EFCAB11: variants seen among roughly 807,000 people sequenced by gnomAD.
EFCAB11 encodes EF-hand calcium binding domain 11.
Under a neutral mutation model 23.0 loss-of-function variants are expected in EFCAB11, and 14 were observed. That is an observed-to-expected ratio of 0.61 (90% confidence interval 0.40 to 0.95). The LOEUF (loss-of-function observed/expected upper bound fraction) is 0.95. Among genes scored for constraint, EFCAB11 ranks in the 40% least tolerant of loss-of-function variants. The pLI is 0.00. For synonymous variants in EFCAB11, 65 were observed against 66.6 expected, an observed-to-expected ratio of 0.98 and a Z score of 0.11; for missense variants, 198 against 195.8, an observed-to-expected ratio of 1.01 and a Z score of -0.07.
At chr14:89,804,113 C>T (rs1885882475) in intron 5 of EFCAB11, among the ~76,000 whole-genome samples, 1 of 152,240 alleles carries the variant, frequency 6.6e-6, no homozygotes, top group Non-Finnish European at 1.5e-5. Flanking sequence ...CTCACCCGAG[C>T]CAGTAGCAGT....
chr14:89,877,994 G>A (rs546597110), intron 5 of EFCAB11, among the ~76,000 whole-genome samples: 1 of 152,128 alleles, frequency 6.6e-6, no homozygotes, highest in Non-Finnish European at 1.5e-5. Flanking sequence ...TACCACTTTT[G>A]TTCAATTGCT....
intron 3 of EFCAB11, among the ~76,000 whole-genome samples, chr14:89,948,882 A>C (rs79745881): frequency 8.6e-6 from 1 of 116,102 alleles, no homozygotes; most frequent in African/African-American, 4.3e-5. Flanking sequence ...TAATGGATAC[A>C]AAAAAAAAAA....
intron 5 of EFCAB11, among the ~76,000 whole-genome samples, chr14:89,918,449 G>A (rs1889919782): frequency 6.6e-6 from 1 of 151,400 alleles, no homozygotes; most frequent in Non-Finnish European, 1.5e-5. Context: ...TGAGGCAGGA[G>A]AATCGCTTGA....
Position 89,930,060 on chromosome 14 carries a change from C to T in EFCAB11, c.410+1481G>A, listed in dbSNP as rs183643216. Among the ~76,000 whole-genome samples the T allele has an allele frequency of 4.5e-4, 68 of 152,284 alleles. No homozygotes were observed. In the East Asian group the frequency reaches 0.013, roughly 29 times the overall value. On this transcript the variant is annotated intron_variant, in intron 5 of 5. Coordinates refer to ENST00000316738, the MANE Select transcript of EFCAB11 (RefSeq NM_145231.4). ...TATTGATATTCACTACCTATCTCAT[C>T]ACAAAATACAAAGATGCTACATTTT...
chr14:89,854,592 G>A (rs1402729341), intron 5 of EFCAB11, among the ~76,000 whole-genome samples: 4 of 152,036 alleles, frequency 2.6e-5, no homozygotes, highest in African/African-American at 9.7e-5. Flanking sequence ...GCTCTTTCAC[G>A]GAGCCATCTA....
At chr14:89,820,513 C>T (rs1271913215) in intron 5 of EFCAB11, among the ~76,000 whole-genome samples, 4 of 151,968 alleles carry the variant, frequency 2.6e-5, no homozygotes, top group East Asian at 3.9e-4. Flanking sequence ...CAGTGCTGCA[C>T]ACTAGATTTC....
At chr14:89,928,581 C>T (rs1189819301) in intron 5 of EFCAB11, among the ~76,000 whole-genome samples, 1 of 151,214 alleles carries the variant, frequency 6.6e-6, no homozygotes, top group Non-Finnish European at 1.5e-5. Flanking sequence ...GTTTTGTTTT[C>T]TTAAATTATT....
In EFCAB11 at chr14:89,920,137, G is replaced by A. The variant is rs557737672; in HGVS notation, c.410+11404C>T. Among the ~76,000 whole-genome samples the A allele has an allele frequency of 5.9e-5, 9 of 152,296 alleles. No homozygotes were observed. In the South Asian group the frequency reaches 1.4e-3, roughly 25 times the overall value. On this transcript the variant is annotated intron_variant, in intron 5 of 5. Coordinates refer to ENST00000316738, the MANE Select transcript of EFCAB11 (RefSeq NM_145231.4). ...TGATATAATTCCATAGGCAAGATGC[G>A]TAACACATGGGTTCCTATCAGAGCA... is the stretch of plus-strand genomic sequence containing the variant.
chr14:89,905,177 G>A (rs564164176), intron 5 of EFCAB11, among the ~76,000 whole-genome samples: 1 of 152,258 alleles, frequency 6.6e-6, no homozygotes, highest in East Asian at 1.9e-4. Flanking sequence ...AGTGAAATGG[G>A]TCTGAATAAT....
chr14:89,818,514 C>T (rs181456958), intron 5 of EFCAB11, among the ~76,000 whole-genome samples: 1 of 152,160 alleles, frequency 6.6e-6, no homozygotes, highest in East Asian at 1.9e-4. Flanking sequence ...AGGTTTTTGA[C>T]CCATTAATCT....
chr14:89,881,151 GGTT>G (rs1384402850), intron 5 of EFCAB11, among the ~76,000 whole-genome samples: 1 of 151,574 alleles, frequency 6.6e-6, no homozygotes, highest in Non-Finnish European at 1.5e-5. Flanking sequence ...GTGATTATAT[GGTT>G]GTTATCATTG....
chr14:89,832,509 T>C (rs866951158), intron 5 of EFCAB11, among the ~76,000 whole-genome samples: 2 of 152,182 alleles, frequency 1.3e-5, no homozygotes, highest in African/African-American at 2.4e-5. Context: ...TATGTTTCTG[T>C]AGGCAGTGAC....
At chr14:89,897,529 G>A (rs762695407) in intron 5 of EFCAB11, among the ~76,000 whole-genome samples, 7 of 152,040 alleles carry the variant, frequency 4.6e-5, no homozygotes, top group South Asian at 2.1e-4. Flanking sequence ...TTTAAAGCAC[G>A]GGAATAATAA....
intron 3 of EFCAB11, among the ~76,000 whole-genome samples, chr14:89,939,697 G>A (rs532914527): frequency 1.2e-3 from 185 of 152,242 alleles, no homozygotes; most frequent in African/African-American, 4.3e-3. Flanking sequence ...ACATCTGGCC[G>A]TAAAAGAAGT....
rs1341589174 is a variant in EFCAB11, at chr14:89,797,208, A to G, written c.*35T>C. 6.4e-7 allele frequency: 1 copy of G among 1,558,144 alleles called. No individual in the cohort carries two copies. Among genetic ancestry groups the G allele is most frequent in the Middle Eastern group, 1.7e-4 (1 of 5,942 alleles). ...AGTCTGCTGACATTACAATCTATTGATCTCCCCAGAGTTACCAAAAGTAGT... is the reference window on the plus strand; with the variant it reads ...AGTCTGCTGACATTACAATCTATTGGTCTCCCCAGAGTTACCAAAAGTAGT... On this transcript the variant is annotated 3_prime_UTR_variant, in exon 6 of 6. Coordinates refer to ENST00000316738, the MANE Select transcript of EFCAB11 (RefSeq NM_145231.4).
intron 5 of EFCAB11, among the ~76,000 whole-genome samples, chr14:89,898,694 C>T (rs1273405942): frequency 3.2e-5 from 4 of 124,452 alleles, no homozygotes; most frequent in Non-Finnish European, 6.5e-5. Context: ...TTTAAGGAGG[C>T]AAAGTATCAC....
At chr14:89,834,126 G>A (rs1021490903) in intron 5 of EFCAB11, among the ~76,000 whole-genome samples, 4 of 147,646 alleles carry the variant, frequency 2.7e-5, no homozygotes, top group African/African-American at 4.9e-5. Context: ...AGGCTGAGGC[G>A]GGCCTATCAC....
intron 5 of EFCAB11, among the ~76,000 whole-genome samples, chr14:89,887,562 G>C (rs77724457): frequency 0.091 from 13,920 of 152,194 alleles, 1,628 homozygotes; most frequent in African/African-American, 0.27. Flanking sequence ...TGGTATTTAA[G>C]TAAAAACAGT....
chr14:89,876,652 G>A (rs1888448107), intron 5 of EFCAB11, among the ~76,000 whole-genome samples: 1 of 152,194 alleles, frequency 6.6e-6, no homozygotes, highest in Non-Finnish European at 1.5e-5. Context: ...AGTAAATCAA[G>A]GAAGAGTTGA....
Sources: allele counts gnomAD v4.1 joint callset (sites outside exome capture counted in the v4.1 genomes callset), GRCh38; gene constraint gnomAD v4.1.1; transcripts MANE v1.5; gene names NCBI Gene and HGNC (gene_info 2026-07-23, HGNC 2026-07-21).